The following SLIT3 variants were observed in gnomAD, a reference collection of about 807,000 sequenced individuals.
SLIT3 encodes the protein slit guidance ligand 3, also known as slit homolog 3 protein.
SLIT3 carries 68 observed loss-of-function variants against 184.0 expected under a neutral mutation model. That is an observed-to-expected ratio of 0.37 (90% CI 0.30 to 0.45). The LOEUF (loss-of-function observed/expected upper bound fraction) is 0.45, where lower values mean the gene tolerates loss of function less well. Ranked by LOEUF, SLIT3 falls within the 20% of genes least tolerant of loss-of-function variation. The pLI is 1.00. For synonymous variants in SLIT3, 831 were observed against 828.6 expected, an observed-to-expected ratio of 1.00 and a Z score of -0.05; for missense variants, 1,707 against 2,026.0, an observed-to-expected ratio of 0.84 and a Z score of 3.02.
chr5:168,852,732 T>C (rs1471139731), intron 5 of SLIT3, among the ~76,000 whole-genome samples: 1 of 152,268 alleles, frequency 6.6e-6, no homozygotes, highest in Non-Finnish European at 1.5e-5. Flanking sequence ...ATTGGCTACC[T>C]GTTTTTTTCT....
At chr5:169,137,931 A>G (rs1761583662) in intron 4 of SLIT3, among the ~76,000 whole-genome samples, 1 of 151,872 alleles carries the variant, frequency 6.6e-6, no homozygotes, top group Non-Finnish European at 1.5e-5. Context: ...CCTCTCTCTC[A>G]TTTACTAGAT....
chr5:168,686,172 C>T (rs371105095), intron 30 of SLIT3, among the ~76,000 whole-genome samples: 5 of 152,136 alleles, frequency 3.3e-5, no homozygotes, highest in African/African-American at 9.7e-5. Context: ...GTCCCAGTTA[C>T]AGGGGAGGAT....
intron 4 of SLIT3, among the ~76,000 whole-genome samples, chr5:169,043,282 C>A (rs1344262720): frequency 6.6e-6 from 1 of 152,168 alleles, no homozygotes; most frequent in Non-Finnish European, 1.5e-5. Flanking sequence ...TGGTCATACT[C>A]CAAAGCCTCA....
At position 169,253,877 on chromosome 5, in the gene SLIT3, T is replaced by TC. The variant is rs548534046; in HGVS notation, c.198-2419dup. On this transcript the variant is annotated intron_variant, in intron 1 of 35. Coordinates refer to ENST00000519560, the MANE Select transcript of SLIT3 (RefSeq NM_003062.4). Reference sequence around the variant, plus strand: ...AATAGAATAATGGGGCCAAGGGTACTCCCCCAGCCCACTGCCTGTCCTTCG... The same window carrying TC: ...AATAGAATAATGGGGCCAAGGGTACTCCCCCCAGCCCACTGCCTGTCCTTCG... Among the ~76,000 whole-genome samples the TC allele has an allele frequency of 4.1e-3, 627 of 152,214 alleles. 4 individuals carry two copies. The highest frequency in any genetic ancestry group is 0.015 in the African/African-American group (604 of 41,520).
At chr5:168,869,890 G>A (rs1235285914) in intron 5 of SLIT3, among the ~76,000 whole-genome samples, 1 of 152,256 alleles carries the variant, frequency 6.6e-6, no homozygotes, top group Non-Finnish European at 1.5e-5. Context: ...ACTGCGTACA[G>A]AGAGAACTTT....
At chr5:168,955,265 T>C (rs1347724083) in intron 4 of SLIT3, among the ~76,000 whole-genome samples, 1 of 152,152 alleles carries the variant, frequency 6.6e-6, no homozygotes, top group Non-Finnish European at 1.5e-5. Context: ...ATCAATTGGG[T>C]AGTGTGGCAT....
chr5:168,746,717 GGTGTGGCGGT>G (rs1226569307), intron 20 of SLIT3, among the ~76,000 whole-genome samples: 423 of 106,452 alleles, frequency 4.0e-3, no homozygotes, highest in East Asian at 5.4e-3. Flanking sequence ...GTGTGGTGTG[GGTGTGGCGGT>G]GTGTGGTGGT....
intron 35 of SLIT3, chr5:168,667,898 G>A (rs946381435): frequency 3.2e-4 from 48 of 152,214 alleles, no homozygotes; most frequent in African/African-American, 1.1e-3. Context: ...GAGTGCAGAT[G>A]GGGCAACATG....
chr5:168,985,290 C>A (rs534520345), intron 4 of SLIT3, among the ~76,000 whole-genome samples: 1 of 152,282 alleles, frequency 6.6e-6, no homozygotes, highest in East Asian at 1.9e-4. Flanking sequence ...CACGAATATG[C>A]CATCTTGGCT....
intron 5 of SLIT3, among the ~76,000 whole-genome samples, chr5:168,852,416 C>T (rs1038441742): frequency 6.6e-6 from 1 of 152,172 alleles, no homozygotes; most frequent in African/African-American, 2.4e-5. Context: ...GTGAATATGA[C>T]CACTAAGCAA....
At chr5:169,013,670 T>TA (rs1206686320) in intron 4 of SLIT3, among the ~76,000 whole-genome samples, 1 of 152,174 alleles carries the variant, frequency 6.6e-6, no homozygotes, top group Non-Finnish European at 1.5e-5. Flanking sequence ...AAACCCGGGC[T>TA]AAATAGGTGG....
Position 168,710,902 on chromosome 5 carries a change from C to G in SLIT3, c.2712G>C (p.Gln904His). 1 of 1,544,294 alleles carries G rather than the reference C, an allele frequency of 6.5e-7. No individual in the cohort carries two copies. The highest frequency in any genetic ancestry group is 8.8e-7 in the Non-Finnish European group (1 of 1,141,750). ...GGTGTGGGCGTCACCTACCTTTGCA[C>G]TGGAAGCGGTGGGTTGGGGTGGTGA... is the stretch of plus-strand genomic sequence containing the variant. ...LLLTTPTHRF[Q>H]CKGPVDINIV... Residue 904 changes from glutamine (Q) to histidine (H), a missense_variant, in exon 25 of 36, where the codon CAG (glutamine) becomes CAC (histidine). By Grantham distance (24) the Gln-to-His change is conservative. Coordinates refer to ENST00000519560, the MANE Select transcript of SLIT3 (RefSeq NM_003062.4).
intron 4 of SLIT3, among the ~76,000 whole-genome samples, chr5:168,899,285 G>A (rs926817565): frequency 1.3e-5 from 2 of 152,174 alleles, no homozygotes; most frequent in Non-Finnish European, 2.9e-5. Context: ...GGGGGCTAAG[G>A]CAGGAGGATC....
chr5:169,234,606 C>A (rs903069315), intron 3 of SLIT3, among the ~76,000 whole-genome samples: 1 of 151,954 alleles, frequency 6.6e-6, no homozygotes, highest in East Asian at 1.9e-4. Flanking sequence ...GAGGTTTCAT[C>A]GAGGTTGGCC....
chr5:168,996,815 C>A (rs1021301116), intron 4 of SLIT3, among the ~76,000 whole-genome samples: 20 of 152,192 alleles, frequency 1.3e-4, no homozygotes, highest in Admixed American at 1.2e-3. Flanking sequence ...ATTTTTACGG[C>A]TTCCGCTGGG....
At chr5:169,289,277 T>C (rs375051923) in intron 1 of SLIT3, among the ~76,000 whole-genome samples, 9 of 152,286 alleles carry the variant, frequency 5.9e-5, no homozygotes, top group African/African-American at 1.9e-4. Context: ...CTCAGAACAC[T>C]TTCTACCTAC....
rs142210897 is a variant in SLIT3, at chr5:168,990,700, G to A, written c.414-107364C>T. On this transcript the variant is annotated intron_variant, in intron 4 of 35. Coordinates refer to ENST00000519560, the MANE Select transcript of SLIT3 (RefSeq NM_003062.4). The stretch of plus-strand genomic sequence containing the variant: ...TTTAAAAGCAGGGGAACCTTCTGTC[G>A]AATGGAGTTGTGTGCAGGTACAGGG... 9.3e-3 allele frequency among the ~76,000 whole-genome samples: 1,409 copies of A among 152,258 alleles called. 33 individuals are homozygous for A. Among genetic ancestry groups the A allele is most frequent in the African/African-American group, 0.032 (1,332 of 41,550 alleles).
chr5:169,155,188 T>C (rs892437999), intron 4 of SLIT3, among the ~76,000 whole-genome samples: 2 of 152,158 alleles, frequency 1.3e-5, no homozygotes, highest in Non-Finnish European at 1.5e-5. Flanking sequence ...TAGGGACCAA[T>C]TTGCCAAGCA....
chr5:169,176,463 T>A (rs1762988364), intron 4 of SLIT3, among the ~76,000 whole-genome samples: 1 of 152,164 alleles, frequency 6.6e-6, no homozygotes, highest in Non-Finnish European at 1.5e-5. Context: ...ATGCAATGAA[T>A]AGAGGCAGAA....
Sources: gnomAD v4.1 joint callset for allele counts (sites outside exome capture counted in the v4.1 genomes callset) on GRCh38, gnomAD v4.1.1 for gene constraint, MANE v1.5 for transcripts, NCBI Gene and HGNC (gene_info 2026-07-23, HGNC 2026-07-21) for gene names.